The following MYT1 variants were observed in gnomAD, a reference collection of about 807,000 sequenced individuals.
The protein encoded by MYT1 is myelin transcription factor I.
In MYT1, 23 loss-of-function variants were observed where a neutral mutation model predicts 123.0. The observed-to-expected ratio is 0.19, with a 90% CI of 0.13 to 0.26. MYT1 has a LOEUF of 0.26. Among genes scored for constraint, MYT1 ranks in the 10% least tolerant of loss-of-function variants. The pLI is 1.00. For synonymous variants in MYT1, 518 were observed against 575.3 expected (o/e 0.90, Z 1.43); for missense variants, 1,125 against 1,472.5 (o/e 0.76, Z 3.86).
At chr20:64,211,152 C>G in intron 7 of MYT1, 54 bp from the exon 8 acceptor site, 2 of 1,577,802 alleles carry the variant, frequency 1.3e-6, no homozygotes, top group Non-Finnish European at 8.6e-7. Flanking sequence ...CCTGCCCCCT[C>G]TCTGCTCACC....
intron 16 of MYT1, among the ~76,000 whole-genome samples, 156 bp downstream of exon 16, chr20:64,223,515 G>T (rs974149579): frequency 2.6e-5 from 4 of 152,076 alleles, no homozygotes; most frequent in Admixed American, 1.3e-4. Context: ...GCCGTGGAGG[G>T]GCCGATTCTG....
intron 1 of MYT1, among the ~76,000 whole-genome samples, chr20:64,172,458 C>T (rs1477985477): frequency 6.6e-6 from 1 of 152,162 alleles, no homozygotes; most frequent in Non-Finnish European, 1.5e-5. Flanking sequence ...TCATCCTGAC[C>T]CTAAAGGGAA....
chr20:64,240,604 G>A lies in MYT1; in HGVS notation c.*156G>A, dbSNP rs62219718. ...CCAAAGGGATGGCTGGAAATTGGCC[G>A]CTCCCACGAGGCTCCCTCCAGGCTT... On this transcript the variant is annotated 3_prime_UTR_variant, in exon 23 of 23. Coordinates refer to ENST00000328439, the MANE Select transcript of MYT1 (RefSeq NM_004535.3). 52,435 of 1,037,576 alleles carry A rather than the reference G, an allele frequency of 0.051. 1,600 individuals carry two copies. Among genetic ancestry groups the A allele is most frequent in the South Asian group, 0.097 (5,408 of 55,936 alleles). 64.3% of individuals were successfully genotyped at this position (1,037,576 alleles called of 1,614,324 possible).
Position 64,214,591 on chromosome 20 carries a change from G to A in MYT1, c.1631+944G>A, listed in dbSNP as rs970298811. Among the ~76,000 whole-genome samples, 6 of 152,152 alleles carry A rather than the reference G, an allele frequency of 3.9e-5. 1 individual carries two copies. The highest frequency in any genetic ancestry group is 1.5e-5 in the Non-Finnish European group (1 of 68,024). On this transcript the variant is annotated intron_variant, in intron 10 of 22. Coordinates refer to ENST00000328439, the MANE Select transcript of MYT1 (RefSeq NM_004535.3). ...CTATGGAGCTGAGTCCTTGGACCACGGTACCCACTGTCGAAGAGGACACTT... is the reference window on the plus strand; with the variant it reads ...CTATGGAGCTGAGTCCTTGGACCACAGTACCCACTGTCGAAGAGGACACTT...
At chr20:64,194,725 G>A (rs991348479) in intron 2 of MYT1, among the ~76,000 whole-genome samples, 26 of 152,214 alleles carry the variant, frequency 1.7e-4, no homozygotes, top group African/African-American at 5.5e-4. Context: ...GCTGGGGCCC[G>A]GGAAGGAGTG....
Position 64,211,280 on chromosome 20 carries a change from T to C in MYT1, c.1366T>C (p.Leu456=). 6.2e-7 allele frequency: 1 copy of C among 1,614,068 alleles called. No homozygotes were observed. Among genetic ancestry groups the C allele is most frequent in the Non-Finnish European group, 8.5e-7 (1 of 1,179,958 alleles). ...GCDGTGHVTG[L]YPHHRSLSGC... is the part of the protein sequence containing the mutation. ...TGATGGCACTGGCCACGTTACCGGG[T>C]TGTACCCTCACCACCGCAGCCTTTC... Residue 456 remains leucine, a synonymous_variant, in exon 8 of 23, where the codon TTG becomes CTG. Transcript: ENST00000328439.
intron 7 of MYT1, among the ~76,000 whole-genome samples, chr20:64,209,500 C>T (rs1335277235): frequency 2.0e-5 from 3 of 152,224 alleles, no homozygotes; most frequent in Non-Finnish European, 1.5e-5. Context: ...TCCTGCATCT[C>T]TTCTCCAGGT....
rs1453405295 is a variant in MYT1 at position 64,232,478 on chromosome 20, A to T, written c.2897+93A>T. The T allele has an allele frequency of 1.2e-5, 15 of 1,299,694 alleles. No individual in the cohort carries two copies. Among genetic ancestry groups the T allele is most frequent in the Non-Finnish European group, 1.6e-5 (15 of 917,402 alleles). 80.5% of individuals were successfully genotyped at this position (1,299,694 alleles called of 1,614,324 possible). A position where few individuals can be genotyped will look rare whatever the true frequency, so the allele number is the denominator to read the frequency against. On this transcript the variant is annotated intron_variant, in intron 19 of 22. Coordinates refer to ENST00000328439, the MANE Select transcript of MYT1 (RefSeq NM_004535.3). The surrounding 1 kb of genome is among the most constrained non-coding windows in gnomAD (Gnocchi z 6.9). ...GAAGCTCCTGAGGGAGGGCCAGACC[A>T]GGGCTCCGTGTGACCAGAGTTGCTC... is the stretch of plus-strand genomic sequence containing the variant.
rs746462187 is a variant in MYT1 at position 64,207,683 on chromosome 20, A to G, written c.487A>G (p.Ile163Val). The change falls in exon 7 of 23, where the codon ATC (isoleucine) becomes GTC (valine). Residue 163 changes from isoleucine to valine, a missense_variant. Physicochemically the swap from Ile to Val is conservative, Grantham distance 29 (BLOSUM62 3). This residue lies in a region of MYT1 where 406 missense variants were observed against 432.2 expected (regional missense o/e 0.94). Coordinates refer to ENST00000328439, the MANE Select transcript of MYT1 (RefSeq NM_004535.3). ...SKGSYSSYQG[I>V]IATSLLNLGQ... ...GGGCAGCTACAGCAGCTACCAGGGA[A>G]TCATCGCAACTTCTCTCCTGAACTT... 3 of 1,613,966 alleles carry G rather than the reference A, an allele frequency of 1.9e-6. No individual in the cohort carries two copies. In the African/African-American group the frequency reaches 4.0e-5, roughly 22 times the overall value.
Position 64,208,370 on chromosome 20 carries a change from G to T in MYT1, c.1174G>T (p.Val392Leu). 6.2e-7 allele frequency: 1 copy of T among 1,613,798 alleles called. No homozygotes were observed. Among genetic ancestry groups the T allele is most frequent in the Non-Finnish European group, 8.5e-7 (1 of 1,180,036 alleles). ...EQAIALKAEQ[V>L]RTVCEPGCPP... ...GGCCATCGCCCTGAAGGCTGAACAG[G>T]TGCGCACAGTCTGCGAGCCGGGCTG... The change falls in exon 7 of 23, where the codon GTG (valine) becomes TTG (leucine). Residue 392 changes from valine (V) to leucine (L), a missense_variant. Coordinates refer to ENST00000328439, the MANE Select transcript of MYT1 (RefSeq NM_004535.3). This position sits in a 1 kb window ranked among gnomAD's most constrained non-coding sequence, Gnocchi z 5.4.
rs776140292 is a variant in MYT1, at chr20:64,217,277, T to G, written c.1842T>G (p.Phe614Leu). 8.7e-6 allele frequency: 14 copies of G among 1,614,192 alleles called. No individual in the cohort carries two copies. Among genetic ancestry groups the G allele is most frequent in the Non-Finnish European group, 1.1e-5 (13 of 1,179,996 alleles). The change falls in exon 11 of 23, where the codon TTT (phenylalanine) becomes TTG (leucine). Residue 614 changes from phenylalanine (F) to leucine (L), a missense_variant. Physicochemically the swap from Phe to Leu is conservative, Grantham distance 22. Around this residue, in one of 4 missense-constraint regions of MYT1, gnomAD observed 429 missense variants for 604.1 expected, o/e 0.71. Coordinates refer to ENST00000328439, the MANE Select transcript of MYT1 (RefSeq NM_004535.3). ...IQTSETSPKA[F>L]QCFDYSQDAE... The stretch of plus-strand genomic sequence containing the variant: ...CCAGCGAAACCTCACCTAAAGCCTT[T>G]CAATGTAAGTTGGGGAGAATTGTTC...
chr20:64,239,112 G>A (rs1448777309), intron 21 of MYT1, among the ~76,000 whole-genome samples: 4 of 152,236 alleles, frequency 2.6e-5, no homozygotes, highest in Non-Finnish European at 4.4e-5. Flanking sequence ...CAGTCAGGCT[G>A]GGGGCTATTC....
chr20:64,226,882 G>T (rs887775846), intron 16 of MYT1, among the ~76,000 whole-genome samples: 1 of 152,242 alleles, frequency 6.6e-6, no homozygotes, highest in Non-Finnish European at 1.5e-5. Context: ...TCTGCAGCAG[G>T]TGTGCAAAAA....
chr20:64,206,028 G>A (rs1018739238), intron 6 of MYT1, among the ~76,000 whole-genome samples: 2 of 152,182 alleles, frequency 1.3e-5, no homozygotes, highest in Non-Finnish European at 2.9e-5. Context: ...TAGGAGAGAG[G>A]CAGGACAGAC....
At position 64,202,460 on chromosome 20, in the gene MYT1, C is replaced by T. The variant is rs772030642; in HGVS notation, c.86+2538C>T. ...GTTGGGGTTAGCATCTTTGAGACAGCGAGGCGCTGACAACACCGAGTTCAG... is the reference window on the plus strand; with the variant it reads ...GTTGGGGTTAGCATCTTTGAGACAGTGAGGCGCTGACAACACCGAGTTCAG... On this transcript the variant is annotated intron_variant, in intron 4 of 22. Coordinates refer to ENST00000328439, the MANE Select transcript of MYT1 (RefSeq NM_004535.3). The surrounding 1 kb of genome is among the most constrained non-coding windows in gnomAD (Gnocchi z 5.0). 2.6e-5 allele frequency among the ~76,000 whole-genome samples: 4 copies of T among 152,040 alleles called. No homozygotes were observed. Among genetic ancestry groups the T allele is most frequent in the African/African-American group, 4.8e-5 (2 of 41,374 alleles).
intron 7 of MYT1, among the ~76,000 whole-genome samples, chr20:64,210,966 T>C (rs544975435): frequency 1.3e-5 from 2 of 152,362 alleles, no homozygotes; most frequent in South Asian, 2.1e-4. Flanking sequence ...CTTAAAACGC[T>C]GCACAAACTG....
intron 5 of MYT1, among the ~76,000 whole-genome samples, 196 bp from the exon 6 acceptor site, chr20:64,205,357 C>T (rs559012800): frequency 3.9e-5 from 6 of 152,124 alleles, no homozygotes; most frequent in African/African-American, 2.4e-5. Context: ...TGGCCATGGG[C>T]GTGCCATGTG....
intron 21 of MYT1, among the ~76,000 whole-genome samples, chr20:64,238,487 C>CTGCTCTGGTCTCTACTGGCAAACAG (rs1984617513): frequency 6.6e-6 from 1 of 152,100 alleles, no homozygotes. Context: ...TCACGTTGAC[C>CTGCTCTGGTCTCTACTGGCAAACAG]GCTTGTTACT....
At chr20:64,199,269 A>C (rs1281375094) in intron 3 of MYT1, among the ~76,000 whole-genome samples, 3 of 152,152 alleles carry the variant, frequency 2.0e-5, no homozygotes, top group Non-Finnish European at 4.4e-5. Flanking sequence ...TCTTGGTGCT[A>C]ATGGGGCATA....
Sources: allele counts gnomAD v4.1 joint callset (sites outside exome capture counted in the v4.1 genomes callset), GRCh38; gene constraint gnomAD v4.1.1; regional missense constraint gnomAD v4.1.1; non-coding constraint Gnocchi (gnomAD v3.1); transcripts MANE v1.5; gene names NCBI Gene and HGNC (gene_info 2026-07-23, HGNC 2026-07-21).